Variants in ZNF18 observed in about 807,000 individuals in gnomAD.
ZNF18 encodes zinc finger protein 18.
In ZNF18, 42 loss-of-function variants were observed where a neutral mutation model predicts 58.1. The ratio of observed to expected loss-of-function variants is 0.72; its 90% CI spans 0.56 to 0.93. The LOEUF is 0.93. Among genes scored for constraint, ZNF18 ranks in the 40% least tolerant of loss-of-function variants. ZNF18 has a pLI of 0.00. For synonymous variants in ZNF18, 231 were observed against 239.8 expected, an observed-to-expected ratio of 0.96 and a Z score of 0.34; for missense variants, 540 against 644.2, an observed-to-expected ratio of 0.84 and a Z score of 1.75.
At chr17:12,014,637 G>C in the ZNF18 span, among the ~76,000 whole-genome samples, 1 of 152,196 alleles carries the variant, frequency 6.6e-6, no homozygotes, top group African/African-American at 2.4e-5. Flanking sequence ...GAAAGCTAGG[G>C]GTAGGGGCAG....
chr17:12,010,857 T>C, the ZNF18 span: 1 of 488,526 alleles, frequency 2.0e-6, no homozygotes, highest in Non-Finnish European at 3.7e-6. Context: ...CCCCAGGTAC[T>C]TTTCTCTTTG....
intron 4 of ZNF18, among the ~76,000 whole-genome samples, chr17:11,985,348 G>A (rs983555202): frequency 2.6e-5 from 4 of 152,128 alleles, no homozygotes; most frequent in Admixed American, 6.5e-5. Context: ...GGAGTCAGAC[G>A]TACTGAGTTT....
chr17:11,990,463 T>C lies in ZNF18; in HGVS notation c.665A>G (p.Gln222Arg). 6.2e-7 allele frequency: 1 copy of C among 1,612,128 alleles called. No homozygotes were observed. Among genetic ancestry groups the C allele is most frequent in the Non-Finnish European group, 8.5e-7 (1 of 1,179,374 alleles). ...CATCGCTTTTGTACGTCAGCTCACC[T>C]GAGGTGCTGCTGGGAGCAGTGAGGC... ...LGASLLPAAP[Q>R]EQWRQLDSTQ... Residue 222 changes from glutamine to arginine, a missense_variant and splice_region_variant, in exon 4 of 7, where the codon CAG (glutamine) becomes CGG (arginine). By Grantham distance (43) the Gln-to-Arg change is conservative. Coordinates refer to ENST00000580306, the MANE Select transcript of ZNF18 (RefSeq NM_001303281.2).
chr17:11,989,249 C>T (rs1354957803), intron 4 of ZNF18, among the ~76,000 whole-genome samples: 5 of 152,092 alleles, frequency 3.3e-5, no homozygotes, highest in Middle Eastern at 3.4e-3. Context: ...GGTTTGAGCC[C>T]GGGAGGTCAA....
chr17:12,007,242 C>A, the ZNF18 span, among the ~76,000 whole-genome samples: 1 of 152,206 alleles, frequency 6.6e-6, no homozygotes, highest in East Asian at 1.9e-4. Flanking sequence ...TCAGTTCCTG[C>A]CAGAAAAAGA....
intron 4 of ZNF18, among the ~76,000 whole-genome samples, chr17:11,987,882 G>A (rs1344665982): frequency 6.6e-6 from 1 of 152,038 alleles, no homozygotes; most frequent in African/African-American, 2.4e-5. Context: ...TATGAAATTG[G>A]TATTCTAGTT....
chr17:11,992,659 C>A lies in ZNF18; in HGVS notation c.171G>T (p.Glu57Asp). 1 of 1,614,240 alleles carries A rather than the reference C, an allele frequency of 6.2e-7. No individual in the cohort carries two copies. Among genetic ancestry groups the A allele is most frequent in the Non-Finnish European group, 8.5e-7 (1 of 1,180,044 alleles). The change falls in exon 2 of 7, where the codon GAG becomes GAT. Residue 57 changes from glutamate (E) to aspartate (D), a missense_variant. Physicochemically the swap from Glu to Asp is conservative, Grantham distance 45 (BLOSUM62 2). Transcript: ENST00000580306. ...FRYQVMSGPH[E>D]TLKQLRKLCF... is the part of the protein sequence containing the mutation. ...AGAGCTTCCGAAGTTGCTTCAAGGT[C>A]TCATGAGGCCCAGACATCACCTGGT...
At chr17:12,008,836 T>C in the ZNF18 span, among the ~76,000 whole-genome samples, 1 of 152,212 alleles carries the variant, frequency 6.6e-6, no homozygotes, top group Non-Finnish European at 1.5e-5. Context: ...ATCCTTATTA[T>C]TCAGGGAACT....
the ZNF18 span, among the ~76,000 whole-genome samples, chr17:12,008,956 A>AT: frequency 6.6e-6 from 1 of 152,232 alleles, no homozygotes; most frequent in Non-Finnish European, 1.5e-5. Context: ...ATGGTCCAAA[A>AT]TTCGGAGCAT....
At chr17:11,991,358 G>A (rs907529787) in intron 2 of ZNF18, among the ~76,000 whole-genome samples, 195 bp from the exon 3 acceptor site, 1 of 152,182 alleles carries the variant, frequency 6.6e-6, no homozygotes, top group Non-Finnish European at 1.5e-5. Context: ...GCTGAGGCCC[G>A]AATCAGGCGT....
At chr17:12,017,084 T>C in the ZNF18 span, among the ~76,000 whole-genome samples, 2 of 151,708 alleles carry the variant, frequency 1.3e-5, no homozygotes, top group South Asian at 4.2e-4. Context: ...TGTAGTGCCA[T>C]CTGCTTGGGA....
chr17:11,990,993 A>G lies in ZNF18; in HGVS notation c.558T>C (p.Ser186=). The change falls in exon 3 of 7, where the codon TCT becomes TCC. Residue 186 remains serine (S), a synonymous_variant. Transcript: ENST00000580306. ...CCTCACCTAGTTCTGCTTCTGTGTC[A>G]GATTCCTCTTTCACGATGTGGCTCA... ...ELLSHIVKEE[S]DTEAELALAA... is the part of the protein sequence containing the mutation. 6.2e-7 allele frequency: 1 copy of G among 1,614,052 alleles called. No individual in the cohort carries two copies. The highest frequency in any genetic ancestry group is 1.1e-5 in the South Asian group (1 of 91,066).
intron 6 of ZNF18, among the ~76,000 whole-genome samples, chr17:11,978,990 A>G (rs757609696): frequency 4.6e-5 from 7 of 151,632 alleles, no homozygotes; most frequent in Non-Finnish European, 8.8e-5. Context: ...ACAACACAGG[A>G]GTACTCATAA....
At chr17:12,007,725 T>A in the ZNF18 span, among the ~76,000 whole-genome samples, 1 of 152,132 alleles carries the variant, frequency 6.6e-6, no homozygotes, top group African/African-American at 2.4e-5. Flanking sequence ...TTTCTCTGCA[T>A]TTGGTTTTTC....
the ZNF18 span, among the ~76,000 whole-genome samples, chr17:12,008,633 A>T: frequency 5.9e-5 from 9 of 152,160 alleles, no homozygotes; most frequent in Non-Finnish European, 8.8e-5. Context: ...CTCCCCTCAG[A>T]GTCTGAGCTG....
intron 4 of ZNF18, among the ~76,000 whole-genome samples, chr17:11,984,651 A>T (rs562426811): frequency 5.9e-5 from 9 of 151,946 alleles, no homozygotes; most frequent in African/African-American, 2.2e-4. Context: ...GGAAGCTTGG[A>T]CTATAGGCAC....
At chr17:12,018,053 A>G in the ZNF18 span, among the ~76,000 whole-genome samples, 1 of 152,166 alleles carries the variant, frequency 6.6e-6, no homozygotes, top group South Asian at 2.1e-4. Context: ...CCTCTTAGAA[A>G]TCATCTTAAT....
chr17:11,979,690 T>C (rs1450873642), intron 6 of ZNF18, among the ~76,000 whole-genome samples: 1 of 152,212 alleles, frequency 6.6e-6, no homozygotes. Flanking sequence ...TATTAGTGTC[T>C]TTTCAATTGT....
At chr17:12,019,294 A>ATGTGTGTGTG in the ZNF18 span, among the ~76,000 whole-genome samples, 312 of 145,442 alleles carry the variant, frequency 2.1e-3, no homozygotes, top group African/African-American at 3.3e-3. Flanking sequence ...ATAATATTGG[A>ATGTGTGTGTG]TGTGTGTGTG....
Sources: allele counts gnomAD v4.1 joint callset (sites outside exome capture counted in the v4.1 genomes callset), GRCh38; gene constraint gnomAD v4.1.1; transcripts MANE v1.5; gene names NCBI Gene and HGNC (gene_info 2026-07-23, HGNC 2026-07-21).